TSPAN9: variants seen among roughly 807,000 people sequenced by gnomAD.
The protein encoded by TSPAN9 is tetraspanin-9.
A neutral mutation model predicts 31.0 loss-of-function variants in TSPAN9; 16 were observed. The ratio of observed to expected loss-of-function variants is 0.52; its 90% CI spans 0.35 to 0.78. The LOEUF is 0.78. Ranked by LOEUF, TSPAN9 falls within the 30% of genes least tolerant of loss-of-function variation. The pLI, the probability that TSPAN9 is intolerant of heterozygous loss-of-function variation, is 0.01. For synonymous variants in TSPAN9, 145 were observed against 121.6 expected (o/e 1.19, Z -1.27); for missense variants, 272 against 312.5 (o/e 0.87, Z 0.98).
rs562846516 is a variant in TSPAN9, at chr12:3,147,259, C to T, written c.-17-53918C>T. ...GCTGGGCAGCAGGAGGCAGGGACCA[C>T]GGTCCCTGCCCTGGGATGAGGAGCC... On this transcript the variant is annotated intron_variant, in intron 2 of 8. Coordinates refer to ENST00000011898, the MANE Select transcript of TSPAN9 (RefSeq NM_006675.5). The surrounding 1 kb of genome is among the most constrained non-coding windows in gnomAD (Gnocchi z 4.3). 2.7e-4 allele frequency among the ~76,000 whole-genome samples: 41 copies of T among 152,222 alleles called. No homozygotes were observed. The highest frequency in any genetic ancestry group is 2.2e-3 in the Admixed American group (34 of 15,294).
At chr12:3,199,212 C>G (rs2098369715) in intron 2 of TSPAN9, among the ~76,000 whole-genome samples, 1 of 152,224 alleles carries the variant, frequency 6.6e-6, no homozygotes, top group Non-Finnish European at 1.5e-5. Context: ...ATTCTTCCAT[C>G]CAGCCATCCC....
rs11609103 is a variant in TSPAN9, at chr12:3,226,686, G to A, written c.63+25430G>A. Among the ~76,000 whole-genome samples the A allele has an allele frequency of 3.4e-3, 38 of 11,032 alleles. 2 individuals are homozygous for A. Among genetic ancestry groups the A allele is most frequent in the South Asian group, 0.017 (3 of 176 alleles). The allele number at this position is 11,032 out of a possible 152,430, so 7.2% of individuals were successfully genotyped here. A position where few individuals can be genotyped will look rare whatever the true frequency, so the allele number is the denominator to read the frequency against. ...TGTGTGTGTGTGTGTGTGTGTGTGT[G>A]TGTGTGTGTGTGTGTGTGTGTATGT... On this transcript the variant is annotated intron_variant, in intron 3 of 8. Transcript: ENST00000011898.
intron 7 of TSPAN9, among the ~76,000 whole-genome samples, 156 bp from the exon 8 acceptor site, chr12:3,281,578 C>T (rs557184756): frequency 7.9e-5 from 12 of 151,812 alleles, no homozygotes; most frequent in African/African-American, 1.7e-4. Context: ...GCGGGTGGGG[C>T]GGAGGCTGCG....
intron 3 of TSPAN9, among the ~76,000 whole-genome samples, chr12:3,215,726 G>C (rs903060756): frequency 3.6e-4 from 55 of 152,276 alleles, no homozygotes; most frequent in African/African-American, 1.3e-3. Context: ...GGTGGGAGGG[G>C]CCCCTCATTT....
chr12:3,093,564 A>G (rs1262239189), intron 2 of TSPAN9, among the ~76,000 whole-genome samples: 1 of 152,150 alleles, frequency 6.6e-6, no homozygotes, highest in Non-Finnish European at 1.5e-5. Flanking sequence ...TGTTGCAGGG[A>G]ACAGAGGGCA....
At chr12:3,261,122 G>A (rs956449002) in intron 3 of TSPAN9, among the ~76,000 whole-genome samples, 4 of 152,164 alleles carry the variant, frequency 2.6e-5, no homozygotes, top group Admixed American at 2.0e-4. Flanking sequence ...TCGGGAGAGT[G>A]GAAAGGAAGA....
At chr12:3,113,410 TC>T (rs748820917) in intron 2 of TSPAN9, among the ~76,000 whole-genome samples, 1 of 152,172 alleles carries the variant, frequency 6.6e-6, no homozygotes, top group Non-Finnish European at 1.5e-5. Context: ...TCTGATCAGG[TC>T]CTGAGGCCAT....
intron 2 of TSPAN9, among the ~76,000 whole-genome samples, chr12:3,197,632 C>A (rs1282065186): frequency 6.6e-6 from 1 of 152,134 alleles, no homozygotes; most frequent in Non-Finnish European, 1.5e-5. Context: ...TGCCAGGGAG[C>A]CAGTGAGGCT....
chr12:3,265,639 G>A (rs886954563), intron 3 of TSPAN9, among the ~76,000 whole-genome samples: 2 of 152,164 alleles, frequency 1.3e-5, no homozygotes, highest in African/African-American at 4.8e-5. Context: ...TGCTGTGGCC[G>A]TGCGCCCCCT....
At chr12:3,115,889 G>A (rs140758022) in intron 2 of TSPAN9, among the ~76,000 whole-genome samples, 1,543 of 152,300 alleles carry the variant, frequency 0.01, 15 homozygotes, top group Middle Eastern at 0.051. Flanking sequence ...CAGCTGTACC[G>A]TTTTACATTC....
chr12:3,235,923 A>C (rs2098393513), intron 3 of TSPAN9, among the ~76,000 whole-genome samples: 1 of 152,230 alleles, frequency 6.6e-6, no homozygotes, highest in South Asian at 2.1e-4. Flanking sequence ...TTCTCAAATG[A>C]GGACTTGCTG....
intron 2 of TSPAN9, among the ~76,000 whole-genome samples, chr12:3,109,365 C>T (rs927055380): frequency 2.7e-5 from 4 of 147,868 alleles, no homozygotes; most frequent in Middle Eastern, 3.2e-3. Flanking sequence ...TGAACATTTT[C>T]TTCAGAAGTC....
At chr12:3,173,425 C>T (rs2098353249) in intron 2 of TSPAN9, 1 of 152,330 alleles carries the variant, frequency 6.6e-6, no homozygotes, top group African/African-American at 2.4e-5. Flanking sequence ...CACAGGTACT[C>T]CCATGGGACA....
intron 3 of TSPAN9, among the ~76,000 whole-genome samples, chr12:3,277,107 G>A (rs635332): frequency 0.31 from 46,625 of 152,024 alleles, 7,282 homozygotes; most frequent in Middle Eastern, 0.45. Flanking sequence ...CCCACTTCAC[G>A]TAGCTTATTC....
At chr12:3,108,620 A>C (rs1214042817) in intron 2 of TSPAN9, among the ~76,000 whole-genome samples, 1 of 152,072 alleles carries the variant, frequency 6.6e-6, no homozygotes, top group Non-Finnish European at 1.5e-5. Flanking sequence ...TTCTTGAGTT[A>C]CTTCACTGAT....
chr12:3,270,010 T>C (rs569506145), intron 3 of TSPAN9, among the ~76,000 whole-genome samples: 41 of 152,334 alleles, frequency 2.7e-4, no homozygotes, highest in Admixed American at 2.2e-3. Context: ...AGGTGCTCTC[T>C]ATTATCTGCT....
At chr12:3,120,604 C>G (rs1404805636) in intron 2 of TSPAN9, among the ~76,000 whole-genome samples, 1 of 152,258 alleles carries the variant, frequency 6.6e-6, no homozygotes, top group African/African-American at 2.4e-5. Context: ...GATGTCACCT[C>G]TTTCCTTTTA....
chr12:3,227,461 G>T (rs2098388447), intron 3 of TSPAN9, among the ~76,000 whole-genome samples: 1 of 152,228 alleles, frequency 6.6e-6, no homozygotes, highest in Non-Finnish European at 1.5e-5. Flanking sequence ...TCAGACGCCT[G>T]AAGGGACAAA....
In TSPAN9 at chr12:3,281,820, A is replaced by G. The variant is rs768921050; in HGVS notation, c.648+3A>G. On this transcript the variant is annotated splice_donor_region_variant and intron_variant, in intron 8 of 8. Transcript: ENST00000011898. ...GGATGTGCATCCTCATCATGCAGGT[A>G]AGAGGGGCGTCCCCAGCAGCCTCAC... The G allele has an allele frequency of 6.2e-7, 1 of 1,613,936 alleles. No homozygotes were observed. Among genetic ancestry groups the G allele is most frequent in the Non-Finnish European group, 8.5e-7 (1 of 1,179,946 alleles).
Sources: gnomAD v4.1 joint callset for allele counts (sites outside exome capture counted in the v4.1 genomes callset) on GRCh38, gnomAD v4.1.1 for gene constraint, Gnocchi (gnomAD v3.1) non-coding constraint, MANE v1.5 for transcripts, NCBI Gene and HGNC (gene_info 2026-07-23, HGNC 2026-07-21) for gene names.